MAPK10: variants seen among roughly 807,000 people sequenced by gnomAD.
MAPK10 encodes the protein mitogen-activated protein kinase 10, also known as JNK3 alpha protein kinase.
In MAPK10, 25 loss-of-function variants were observed where a neutral mutation model predicts 59.3. The ratio of observed to expected loss-of-function variants is 0.42; its 90% confidence interval spans 0.31 to 0.59. The LOEUF (loss-of-function observed/expected upper bound fraction) is 0.59, where lower values mean the gene tolerates loss of function less well. MAPK10 is among the 20% of genes least tolerant of loss of function. The pLI is 0.15. For missense variants in MAPK10, 351 were observed against 568.9 expected (o/e 0.62, Z 3.90); for synonymous variants, 190 against 200.5 (o/e 0.95, Z 0.44).
At chr4:86,293,803 C>T (rs1564062223) in intron 2 of MAPK10, among the ~76,000 whole-genome samples, 1 of 152,110 alleles carries the variant, frequency 6.6e-6, no homozygotes, top group African/African-American at 2.4e-5. Flanking sequence ...CAAAACAACT[C>T]ACTCACTATC....
At chr4:86,065,700 G>C (rs926849494) in intron 10 of MAPK10, 2 of 152,042 alleles carry the variant, frequency 1.3e-5, no homozygotes, top group East Asian at 3.9e-4. Flanking sequence ...TTTACATAAA[G>C]TTTTAACAGA....
chr4:86,199,450 A>G (rs1202698816), intron 2 of MAPK10, among the ~76,000 whole-genome samples: 1 of 152,068 alleles, frequency 6.6e-6, no homozygotes, highest in Non-Finnish European at 1.5e-5. Context: ...AAATTTTGAA[A>G]ATATGCACAA....
At chr4:86,215,616 C>A (rs1003359810) in intron 2 of MAPK10, among the ~76,000 whole-genome samples, 1 of 152,158 alleles carries the variant, frequency 6.6e-6, no homozygotes, top group African/African-American at 2.4e-5. Context: ...AATCCCAGCA[C>A]TTTTGGGAGA....
At chr4:86,446,852 T>C (rs1750110493) in intron 1 of MAPK10, among the ~76,000 whole-genome samples, 1 of 152,186 alleles carries the variant, frequency 6.6e-6, no homozygotes, top group African/African-American at 2.4e-5. Flanking sequence ...TTCTTCTTCT[T>C]TGAATTACCT....
intron 12 of MAPK10, among the ~76,000 whole-genome samples, chr4:86,030,344 A>ATG (rs2038733062): frequency 6.6e-6 from 1 of 151,998 alleles, no homozygotes; most frequent in Admixed American, 6.6e-5. Context: ...ATATATATAT[A>ATG]GAGAGAGGCA....
At chr4:86,070,344 CTT>C (rs2047596273) in intron 9 of MAPK10, among the ~76,000 whole-genome samples, 2 of 142,136 alleles carry the variant, frequency 1.4e-5, no homozygotes, top group African/African-American at 5.7e-5. Context: ...CATGATTTTT[CTT>C]TCTTTTTTTT....
rs533042023 is a variant in MAPK10, at chr4:86,046,375, C to A, written c.1111-14944G>T. On this transcript the variant is annotated intron_variant, in intron 11 of 13. Transcript: ENST00000641462. Reference sequence around the variant, plus strand: ...GAGTGGTGAGAGAGGGCATCCTTGTCTTGTGCTGGTTTTCAAAGGGAATGT... The same window carrying A: ...GAGTGGTGAGAGAGGGCATCCTTGTATTGTGCTGGTTTTCAAAGGGAATGT... 2.3e-3 allele frequency among the ~76,000 whole-genome samples: 354 copies of A among 151,734 alleles called. 1 individual carries two copies. Among genetic ancestry groups the A allele is most frequent in the African/African-American group, 7.9e-3 (326 of 41,418 alleles).
At chr4:86,186,816 G>A (rs1481191361) in intron 3 of MAPK10, among the ~76,000 whole-genome samples, 1 of 152,134 alleles carries the variant, frequency 6.6e-6, no homozygotes, top group Non-Finnish European at 1.5e-5. Context: ...AATACTTGAA[G>A]TTTATGTAGG....
chr4:86,157,871 C>T (rs2068306857), intron 4 of MAPK10, among the ~76,000 whole-genome samples: 1 of 151,978 alleles, frequency 6.6e-6, no homozygotes, highest in Admixed American at 6.6e-5. Flanking sequence ...TGACAGTACT[C>T]AGTTTCACTG....
chr4:86,576,172 T>G (rs996492708), intron 1 of MAPK10, among the ~76,000 whole-genome samples: 1 of 151,994 alleles, frequency 6.6e-6, no homozygotes, highest in Non-Finnish European at 1.5e-5. Context: ...TGTATGTTTT[T>G]AAAAGAATCA....
intron 1 of MAPK10, among the ~76,000 whole-genome samples, chr4:86,481,605 T>G (rs895802547): frequency 6.6e-5 from 10 of 152,162 alleles, no homozygotes; most frequent in Non-Finnish European, 1.3e-4. Context: ...CATAATGAAC[T>G]GTTCCAGAAA....
intron 1 of MAPK10, among the ~76,000 whole-genome samples, chr4:86,438,594 G>A (rs1460223407): frequency 6.6e-6 from 1 of 151,704 alleles, no homozygotes; most frequent in Non-Finnish European, 1.5e-5. Context: ...GGAGGTGGAG[G>A]CAGGAGAATT....
At chr4:86,221,903 CA>C in intron 2 of MAPK10, among the ~76,000 whole-genome samples, 1 of 152,272 alleles carries the variant, frequency 6.6e-6, no homozygotes. Context: ...ATCCCCTCAG[CA>C]CTGTTCTTGT....
intron 1 of MAPK10, among the ~76,000 whole-genome samples, chr4:86,513,322 A>G (rs1360493855): frequency 6.6e-6 from 1 of 152,182 alleles, no homozygotes; most frequent in Non-Finnish European, 1.5e-5. Flanking sequence ...AGTTAGGAAT[A>G]TAGGCATGAA....
At chr4:86,471,211 G>A (rs1357522366) in intron 1 of MAPK10, among the ~76,000 whole-genome samples, 2 of 148,232 alleles carry the variant, frequency 1.3e-5, no homozygotes, top group Non-Finnish European at 3.0e-5. Context: ...GGAGGTTGCA[G>A]TGAGCTGAGA....
At chr4:86,162,900 G>T (rs536296312) in intron 3 of MAPK10, among the ~76,000 whole-genome samples, 1 of 152,116 alleles carries the variant, frequency 6.6e-6, no homozygotes, top group African/African-American at 2.4e-5. Context: ...GGAGAAACAG[G>T]GCTTGATAAA....
chr4:86,369,110 AGTTTG>A (rs1427224125), intron 1 of MAPK10, among the ~76,000 whole-genome samples: 2 of 152,146 alleles, frequency 1.3e-5, no homozygotes, highest in Non-Finnish European at 2.9e-5. Context: ...ACTACATTTG[AGTTTG>A]GTCTGGAAAT....
intron 2 of MAPK10, among the ~76,000 whole-genome samples, chr4:86,249,303 T>C (rs992588646): frequency 6.6e-6 from 1 of 152,136 alleles, no homozygotes; most frequent in Admixed American, 6.5e-5. Context: ...AGTGGCTCAG[T>C]TATGTAAGGC....
intron 1 of MAPK10, among the ~76,000 whole-genome samples, chr4:86,515,592 T>C (rs901735701): frequency 6.6e-6 from 1 of 152,172 alleles, no homozygotes; most frequent in African/African-American, 2.4e-5. Context: ...ATTAGTGATA[T>C]TGAGCATTTT....
Sources: gnomAD v4.1 joint callset for allele counts (sites outside exome capture counted in the v4.1 genomes callset) on GRCh38, gnomAD v4.1.1 for gene constraint, MANE v1.5 for transcripts, NCBI Gene and HGNC (gene_info 2026-07-23, HGNC 2026-07-21) for gene names.